ECPAS: variants seen among roughly 807,000 people sequenced by gnomAD.
The protein encoded by ECPAS is proteasome adapter and scaffold protein ECM29.
Under a neutral mutation model 255.1 loss-of-function variants are expected in ECPAS, and 70 were observed. That is an observed-to-expected ratio of 0.27 (90% confidence interval 0.23 to 0.33). The LOEUF (loss-of-function observed/expected upper bound fraction) is 0.33, where lower values mean the gene tolerates loss of function less well. Ranked by LOEUF, ECPAS falls within the 10% of genes least tolerant of loss-of-function variation. The pLI, the probability that ECPAS is intolerant of heterozygous loss-of-function variation, is 1.00. For synonymous variants in ECPAS, 784 were observed against 775.0 expected, an observed-to-expected ratio of 1.01 and a Z score of -0.19; for missense variants, 1,817 against 2,206.4, an observed-to-expected ratio of 0.82 and a Z score of 3.54.
intron 1 of ECPAS, among the ~76,000 whole-genome samples, chr9:111,473,381 A>G (rs1193022755): frequency 7.9e-5 from 12 of 152,218 alleles, no homozygotes; most frequent in Admixed American, 7.9e-4. Flanking sequence ...AAGTGTTACT[A>G]AACATGTATA....
chr9:111,425,117 C>T (rs528697741), intron 12 of ECPAS, among the ~76,000 whole-genome samples: 140 of 151,522 alleles, frequency 9.2e-4, no homozygotes, highest in Non-Finnish European at 1.7e-3. Flanking sequence ...AACCAGGAGC[C>T]GGAGGTTGCA....
chr9:111,472,044 G>A (rs967737004), intron 2 of ECPAS, among the ~76,000 whole-genome samples: 1 of 152,002 alleles, frequency 6.6e-6, no homozygotes, highest in Non-Finnish European at 1.5e-5. Flanking sequence ...CAAGGCTGCA[G>A]TGAGCCATGA....
At chr9:111,366,206 A>G in intron 48 of ECPAS, 33 bp downstream of exon 48, 11 of 1,233,146 alleles carry the variant, frequency 8.9e-6, no homozygotes, top group South Asian at 1.3e-5. Context: ...TAAAATTAGG[A>G]CTCCCTCATC....
chr9:111,362,206 A>G (rs750930000), intron 49 of ECPAS, 37 bp from the exon 50 acceptor site: 2 of 1,519,246 alleles, frequency 1.3e-6, no homozygotes, highest in Admixed American at 4.7e-5. Flanking sequence ...AAAAAAAACA[A>G]AAAACAAAGC....
chr9:111,420,033 G>C lies in ECPAS; in HGVS notation c.1543C>G (p.Leu515Val). The change falls in exon 16 of 50, where the codon CTG becomes GTG. Residue 515 changes from leucine to valine, a missense_variant. Transcript: ENST00000684092. ...GAAACTTACGGATCTCCTGCAGCCA[G>C]TAGCAGCAAATATCTGGAAGGGATA... ...DHIPSRYLLL[L>V]AAGDPREEVH... is the part of the protein sequence containing the mutation. 6.2e-7 allele frequency: 1 copy of C among 1,608,410 alleles called. No individual in the cohort carries two copies. The highest frequency in any genetic ancestry group is 8.5e-7 in the Non-Finnish European group (1 of 1,175,354).
chr9:111,408,382 T>G (rs1327403750), intron 24 of ECPAS, among the ~76,000 whole-genome samples, 189 bp downstream of exon 24: 1 of 152,134 alleles, frequency 6.6e-6, no homozygotes, highest in East Asian at 1.9e-4. Context: ...GGTCTTTCCC[T>G]CATAGGTGAT....
rs2098200518 is a variant in ECPAS, at chr9:111,414,752, C to T, written c.1765-101G>A. ...AATTTCTAGTTTTGATTCACCCACA[C>T]TTCTTTATAAAGCTATTCCAATCCT... On this transcript the variant is annotated intron_variant, in intron 18 of 49. Coordinates refer to ENST00000684092, the MANE Select transcript of ECPAS (RefSeq NM_001364929.1). 5 of 1,043,540 alleles carry T rather than the reference C, an allele frequency of 4.8e-6. No individual in the cohort carries two copies. The South Asian group carries it at 6.5e-5, about 14-fold the overall frequency. 64.6% of individuals were successfully genotyped at this position (1,043,540 alleles called of 1,614,324 possible).
At chr9:111,406,845 C>G (rs1394643713) in intron 24 of ECPAS, among the ~76,000 whole-genome samples, 1 of 148,502 alleles carries the variant, frequency 6.7e-6, no homozygotes, top group African/African-American at 2.6e-5. Flanking sequence ...GTAATGTACT[C>G]CAGCCTTGGT....
intron 4 of ECPAS, among the ~76,000 whole-genome samples, chr9:111,443,535 C>T (rs992096291): frequency 1.3e-5 from 2 of 149,050 alleles, no homozygotes; most frequent in East Asian, 2.1e-4. Context: ...AGGTATGAGC[C>T]GACGTGCCTG....
intron 8 of ECPAS, 139 bp downstream of exon 8, chr9:111,433,094 G>T: frequency 4.9e-6 from 4 of 816,298 alleles, no homozygotes; most frequent in Admixed American, 2.8e-5. Flanking sequence ...TAGCAAACTT[G>T]ATTACAAACT....
chr9:111,451,316 T>C, intron 3 of ECPAS, 109 bp downstream of exon 3: 1 of 1,110,874 alleles, frequency 9.0e-7, no homozygotes, highest in Non-Finnish European at 1.3e-6. Context: ...TGAAAGGCCA[T>C]AATTAAGATC....
chr9:111,377,302 AATT>A (rs1273486186), intron 36 of ECPAS, among the ~76,000 whole-genome samples: 1 of 152,196 alleles, frequency 6.6e-6, no homozygotes, highest in East Asian at 1.9e-4. Flanking sequence ...AAAATATATA[AATT>A]AAAAAAACAG....
At chr9:111,481,983 T>C (rs1352982326) in intron 1 of ECPAS, among the ~76,000 whole-genome samples, 2 of 152,176 alleles carry the variant, frequency 1.3e-5, no homozygotes, top group African/African-American at 4.8e-5. Context: ...GTATCAAGTT[T>C]CCGTTTTACA....
chr9:111,407,406 A>G lies in ECPAS; in HGVS notation c.2652+1165T>C, dbSNP rs1349958312. The stretch of plus-strand genomic sequence containing the variant: ...GACAGAGCAAAACTCCATCTCAGAA[A>G]AAAAAAAAAAAAAAAAAAAAAAAAA... On this transcript the variant is annotated intron_variant, in intron 24 of 49. Coordinates refer to ENST00000684092, the MANE Select transcript of ECPAS (RefSeq NM_001364929.1). 3.2e-5 allele frequency among the ~76,000 whole-genome samples: 3 copies of G among 94,744 alleles called. No homozygotes were observed. The East Asian group carries it at 1.3e-3, about 42-fold the overall frequency. The allele number at this position is 94,744 out of a possible 152,430, so 62.2% of individuals were successfully genotyped here.
intron 8 of ECPAS, among the ~76,000 whole-genome samples, chr9:111,430,917 T>C (rs981357150): frequency 1.3e-5 from 2 of 152,232 alleles, no homozygotes; most frequent in East Asian, 1.9e-4. Context: ...TGTTCCTACA[T>C]AGATGGGTTC....
At chr9:111,440,572 TACATGCAAAAC>T in intron 5 of ECPAS, 51 bp from the exon 6 acceptor site, 1 of 1,416,550 alleles carries the variant, frequency 7.1e-7, no homozygotes, top group Non-Finnish European at 9.6e-7. Flanking sequence ...GAGATTTTTA[TACATGCAAAAC>T]ACAGACAAAA....
Position 111,410,162 on chromosome 9 carries a change from G to A in ECPAS, c.2429C>T (p.Ala810Val). The A allele has an allele frequency of 6.2e-7, 1 of 1,613,156 alleles. No individual in the cohort carries two copies. Among genetic ancestry groups the A allele is most frequent in the South Asian group, 1.1e-5 (1 of 90,726 alleles). The stretch of plus-strand genomic sequence containing the variant: ...ACCATTTCTGCCAATTTCACCCAGG[G>A]CTGTGCAGGCAGCAATTGCCAGGAG... ...SPLLAIAACT[A>V]LGEIGRNGPL... is the part of the protein sequence containing the mutation. Residue 810 changes from alanine to valine, a missense_variant, in exon 23 of 50, where the codon GCC (alanine) becomes GTC (valine). Ala to Val is a moderately conservative substitution (Grantham distance 64, BLOSUM62 0). Transcript: ENST00000684092.
intron 1 of ECPAS, among the ~76,000 whole-genome samples, chr9:111,477,821 A>G (rs2132116499): frequency 6.6e-6 from 1 of 152,310 alleles, no homozygotes; most frequent in South Asian, 2.1e-4. Flanking sequence ...CACTGACTCA[A>G]ACATGAGGTT....
chr9:111,387,616 T>C (rs2098151703), intron 31 of ECPAS, among the ~76,000 whole-genome samples: 1 of 151,106 alleles, frequency 6.6e-6, no homozygotes, highest in African/African-American at 2.4e-5. Context: ...TCACTCACCA[T>C]CAGTGCAGTT....
Sources: gnomAD v4.1 joint callset for allele counts (sites outside exome capture counted in the v4.1 genomes callset) on GRCh38, gnomAD v4.1.1 for gene constraint, MANE v1.5 for transcripts, NCBI Gene and HGNC (gene_info 2026-07-23, HGNC 2026-07-21) for gene names.